Variants in PLXNA4 observed in about 807,000 individuals in gnomAD.
PLXNA4 encodes plexin-A4.
A neutral mutation model predicts 191.8 loss-of-function variants in PLXNA4; 44 were observed. That is an observed-to-expected ratio of 0.23 (90% CI 0.18 to 0.29). The LOEUF is 0.29. PLXNA4 is among the 10% of genes least tolerant of loss of function. The probability of loss-of-function intolerance (pLI) is 1.00; values close to 1 mark genes in which losing one functional copy is unlikely to be tolerated. For synonymous variants in PLXNA4, 1,082 were observed against 1,009.5 expected (o/e 1.07, Z -1.36); for missense variants, 1,800 against 2,488.8 (o/e 0.72, Z 5.89).
chr7:132,474,430 T>A (rs1056699080), intron 3 of PLXNA4, among the ~76,000 whole-genome samples: 1 of 151,728 alleles, frequency 6.6e-6, no homozygotes, highest in Non-Finnish European at 1.5e-5. Context: ...GTAGTAGGAG[T>A]GAACCTAAGC....
chr7:132,143,627 TA>T (rs1795333395), intron 29 of PLXNA4, among the ~76,000 whole-genome samples: 2 of 152,110 alleles, frequency 1.3e-5, no homozygotes, highest in Admixed American at 1.3e-4. Flanking sequence ...AGCAGATTGG[TA>T]GGCTGGGGAC....
Position 132,176,231 on chromosome 7 carries a change from G to T in PLXNA4, c.3875-1311C>A, listed in dbSNP as rs138292038. Among the ~76,000 whole-genome samples the T allele has an allele frequency of 6.7e-3, 1,026 of 152,290 alleles. 5 individuals carry two copies. The highest frequency in any genetic ancestry group is 0.014 in the Admixed American group (209 of 15,302). On this transcript the variant is annotated intron_variant, in intron 20 of 31. Coordinates refer to ENST00000321063, the MANE Select transcript of PLXNA4 (RefSeq NM_020911.2). ...AGAGTCCTCTGCAGCCTCTCCTGCT[G>T]CTCCTCTCTCCCTGCACCCCTGCAC...
chr7:132,633,741 C>T (rs1194362564), intron 2 of PLXNA4, among the ~76,000 whole-genome samples: 1 of 152,156 alleles, frequency 6.6e-6, no homozygotes, highest in Non-Finnish European at 1.5e-5. Flanking sequence ...GACTCTGACC[C>T]TCATCATCTC....
intron 19 of PLXNA4, among the ~76,000 whole-genome samples, chr7:132,180,185 G>C (rs572966841): frequency 6.6e-6 from 1 of 152,204 alleles, no homozygotes; most frequent in South Asian, 2.1e-4. Flanking sequence ...CACACAACTG[G>C]GACCTAAACA....
chr7:132,277,300 T>G (rs1396491693), intron 4 of PLXNA4, among the ~76,000 whole-genome samples: 1 of 152,216 alleles, frequency 6.6e-6, no homozygotes, highest in Non-Finnish European at 1.5e-5. Flanking sequence ...TCATTTCATG[T>G]AAGTTCCTCC....
At chr7:132,351,572 T>A (rs1375984363) in intron 3 of PLXNA4, among the ~76,000 whole-genome samples, 1 of 152,184 alleles carries the variant, frequency 6.6e-6, no homozygotes, top group Non-Finnish European at 1.5e-5. Context: ...TCCTTTCTCA[T>A]CCAAAGGTGC....
At chr7:132,540,866 C>G (rs571232177) in intron 1 of PLXNA4, among the ~76,000 whole-genome samples, 1 of 151,972 alleles carries the variant, frequency 6.6e-6, no homozygotes, top group Non-Finnish European at 1.5e-5. Context: ...GGATTACAGG[C>G]GTGAGCCACC....
intron 3 of PLXNA4, among the ~76,000 whole-genome samples, chr7:132,470,965 G>A (rs1332770230): frequency 2.6e-5 from 4 of 152,098 alleles, no homozygotes; most frequent in African/African-American, 9.7e-5. Context: ...ATGAGTCCCC[G>A]CCCAAATCTC....
rs369716313 is a variant in PLXNA4 at position 132,325,349 on chromosome 7, C to T, written c.1372-27127G>A. Among the ~76,000 whole-genome samples, 6 of 152,212 alleles carry T rather than the reference C, an allele frequency of 3.9e-5. No homozygotes were observed. The South Asian group carries it at 1.0e-3, about 26-fold the overall frequency. On this transcript the variant is annotated intron_variant, in intron 3 of 31. Coordinates refer to ENST00000321063, the MANE Select transcript of PLXNA4 (RefSeq NM_020911.2). ...TCTTGCCATTTGAATAATCAGGGCC[C>T]CTCTGGACAAGTCTCTAGCACCCAA...
At chr7:132,449,668 C>A (rs1300843364) in intron 3 of PLXNA4, among the ~76,000 whole-genome samples, 1 of 152,234 alleles carries the variant, frequency 6.6e-6, no homozygotes, top group Admixed American at 6.5e-5. Flanking sequence ...ATTGGTCATG[C>A]TTCTCTCTTT....
intron 3 of PLXNA4, among the ~76,000 whole-genome samples, chr7:132,334,126 C>T (rs1483794283): frequency 1.3e-5 from 2 of 151,976 alleles, no homozygotes; most frequent in African/African-American, 2.4e-5. Flanking sequence ...GTGTAAAACA[C>T]GGAAGCTGTA....
chr7:132,337,867 G>A (rs1310281229), intron 3 of PLXNA4, among the ~76,000 whole-genome samples: 1 of 152,204 alleles, frequency 6.6e-6, no homozygotes, highest in African/African-American at 2.4e-5. Flanking sequence ...CCCAGTAGCT[G>A]GGTGAGTCAC....
chr7:132,179,817 G>A lies in PLXNA4; in HGVS notation c.3744C>T (p.Leu1248=), dbSNP rs748242253. The change falls in exon 20 of 32, where the codon CTC becomes CTT. Residue 1248 remains leucine (L), a synonymous_variant. Coordinates refer to ENST00000321063, the MANE Select transcript of PLXNA4 (RefSeq NM_020911.2). ...AIVSIAVAGG[L]LIIFIVAVLI... ...GCACGGCCACGATGAAAATGATGAG[G>A]AGGCCGCCAGCCACTGCGATGCTGA... 6.2e-7 allele frequency: 1 copy of A among 1,612,504 alleles called. No individual in the cohort carries two copies. Among genetic ancestry groups the A allele is most frequent in the Non-Finnish European group, 8.5e-7 (1 of 1,179,822 alleles).
At chr7:132,254,392 A>G (rs1799360497) in intron 4 of PLXNA4, among the ~76,000 whole-genome samples, 2 of 152,174 alleles carry the variant, frequency 1.3e-5, no homozygotes. Context: ...AGGGTGAGTA[A>G]AGGGTTGTGT....
intron 3 of PLXNA4, chr7:132,385,146 T>A: frequency 1.2e-6 from 2 of 1,611,214 alleles, no homozygotes; most frequent in Non-Finnish European, 1.7e-6. Context: ...TATCCAAGGC[T>A]GACAACACAC....
intron 9 of PLXNA4, among the ~76,000 whole-genome samples, chr7:132,220,120 A>T (rs898397507): frequency 6.6e-6 from 1 of 152,240 alleles, no homozygotes; most frequent in Non-Finnish European, 1.5e-5. Flanking sequence ...ACAACAACAT[A>T]AAAAAATCCT....
Position 132,182,204 on chromosome 7 carries a change from A to G in PLXNA4, c.3159-14T>C. 1 of 1,613,744 alleles carries G rather than the reference A, an allele frequency of 6.2e-7. No individual in the cohort carries two copies. The highest frequency in any genetic ancestry group is 8.5e-7 in the Non-Finnish European group (1 of 1,179,838). On this transcript the variant is annotated splice_polypyrimidine_tract_variant and intron_variant, in intron 16 of 31. Coordinates refer to ENST00000321063, the MANE Select transcript of PLXNA4 (RefSeq NM_020911.2). ...GGTGTGTTTCCACTGAGCAGGAAGA[A>G]AGAAGGAGATGTGTAAATGATAAGT... is the stretch of plus-strand genomic sequence containing the variant.
chr7:132,179,808 A>C lies in PLXNA4; in HGVS notation c.3753T>G (p.Ile1251Met), dbSNP rs1182362410. The C allele has an allele frequency of 4.3e-6, 7 of 1,613,568 alleles. No individual in the cohort carries two copies. The highest frequency in any genetic ancestry group is 1.7e-5 in the Admixed American group (1 of 59,998). ...AGGCAATGAGCACGGCCACGATGAAAATGATGAGGAGGCCGCCAGCCACTG... is the reference window on the plus strand; with the variant it reads ...AGGCAATGAGCACGGCCACGATGAACATGATGAGGAGGCCGCCAGCCACTG... ...SIAVAGGLLI[I>M]FIVAVLIAYK... Residue 1251 changes from isoleucine (I) to methionine (M), a missense_variant, in exon 20 of 32, where the codon ATT becomes ATG. Coordinates refer to ENST00000321063, the MANE Select transcript of PLXNA4 (RefSeq NM_020911.2).
chr7:132,404,052 G>A (rs1794109667), intron 3 of PLXNA4, among the ~76,000 whole-genome samples: 1 of 152,166 alleles, frequency 6.6e-6, no homozygotes, highest in Non-Finnish European at 1.5e-5. Flanking sequence ...TGGTGGGCCA[G>A]GAGACAAGGC....
Sources: allele counts gnomAD v4.1 joint callset (sites outside exome capture counted in the v4.1 genomes callset), GRCh38; gene constraint gnomAD v4.1.1; transcripts MANE v1.5; gene names NCBI Gene and HGNC (gene_info 2026-07-23, HGNC 2026-07-21).